The following PIK3R5 variants were observed in gnomAD, a reference collection of about 807,000 sequenced individuals.
PIK3R5 encodes phosphoinositide-3-kinase regulatory subunit 5.
PIK3R5 carries 32 observed loss-of-function variants against 94.9 expected under a neutral mutation model. The ratio of observed to expected loss-of-function variants is 0.34; its 90% CI spans 0.25 to 0.45. PIK3R5 has a LOEUF of 0.45. Ranked by LOEUF, PIK3R5 falls within the 20% of genes least tolerant of loss-of-function variation. The pLI is 1.00. For missense variants in PIK3R5, 853 were observed against 1,144.6 expected (o/e 0.75, Z 3.68); for synonymous variants, 443 against 479.4 (o/e 0.92, Z 0.99).
At chr17:8,894,629 C>T (rs1470912604) in intron 5 of PIK3R5, among the ~76,000 whole-genome samples, 2 of 152,208 alleles carry the variant, frequency 1.3e-5, no homozygotes, top group African/African-American at 4.8e-5. Context: ...CAGCTTGACT[C>T]TGTTGTGCAC....
intron 1 of PIK3R5, among the ~76,000 whole-genome samples, chr17:8,960,903 C>T (rs1269812523): frequency 2.0e-5 from 3 of 147,022 alleles, no homozygotes; most frequent in African/African-American, 5.0e-5. Context: ...TGTGCATGGA[C>T]GCCTTGCTTG....
At chr17:8,930,133 T>C (rs945685580) in intron 1 of PIK3R5, among the ~76,000 whole-genome samples, 115 of 152,234 alleles carry the variant, frequency 7.6e-4, no homozygotes, top group Non-Finnish European at 1.0e-3. Flanking sequence ...AACAGCAGAA[T>C]ACACATTTTT....
intron 10 of PIK3R5, 21 bp from the exon 11 acceptor site, chr17:8,887,704 AG>A: frequency 6.4e-7 from 1 of 1,574,000 alleles, no homozygotes; most frequent in South Asian, 1.2e-5. Context: ...GAAGATGGTG[AG>A]AAGGGGAATG....
At chr17:8,908,572 C>CACACA in intron 3 of PIK3R5, among the ~76,000 whole-genome samples, 1 of 149,032 alleles carries the variant, frequency 6.7e-6, no homozygotes, top group Non-Finnish European at 1.5e-5. Context: ...CACACACACA[C>CACACA]AACCATAAAA....
At chr17:8,949,780 G>A (rs1014809419) in intron 1 of PIK3R5, among the ~76,000 whole-genome samples, 5 of 152,120 alleles carry the variant, frequency 3.3e-5, no homozygotes, top group African/African-American at 4.8e-5. Context: ...GGTGGGAAGT[G>A]GGTGAGGGAT....
Position 8,890,216 on chromosome 17 carries a change from A to G in PIK3R5, c.658-90T>C. ...TTGCTAGCTTCTTACTGAGGGAGGC[A>G]GTGATCTGTCCCCTCCCAGCCTCAT... On this transcript the variant is annotated intron_variant, in intron 7 of 18. Transcript: ENST00000447110. This position sits in a 1 kb window ranked among gnomAD's most constrained non-coding sequence, Gnocchi z 6.1. 1.4e-6 allele frequency: 2 copies of G among 1,389,856 alleles called. No individual in the cohort carries two copies. The highest frequency in any genetic ancestry group is 1.8e-5 in the Admixed American group (1 of 54,416). 86.1% of individuals were successfully genotyped at this position (1,389,856 alleles called of 1,614,324 possible).
intron 11 of PIK3R5, 45 bp from the exon 12 acceptor site, chr17:8,887,266 C>T (rs147518572): frequency 2.5e-6 from 4 of 1,609,146 alleles, no homozygotes; most frequent in African/African-American, 1.3e-5. Context: ...CCCAGGAGGC[C>T]TGCCCATCCT....
At position 8,888,386 on chromosome 17, in the gene PIK3R5, T is replaced by C. The variant is rs766779294; in HGVS notation, c.1401A>G (p.Val467=). ...GSLCSPLDEP[V]SPPSRAQRSR... The stretch of plus-strand genomic sequence containing the variant: ...AGCGCTGGGCCCGGGAAGGGGGTGA[T>C]ACTGGTTCGTCCAGGGGGCTGCAGA... Residue 467 remains valine (V), a synonymous_variant, in exon 10 of 19, where the codon GTA becomes GTG. Coordinates refer to ENST00000447110, the MANE Select transcript of PIK3R5 (RefSeq NM_001142633.3). This position sits in a 1 kb window ranked among gnomAD's most constrained non-coding sequence, Gnocchi z 7.8. 1 of 1,601,742 alleles carries C rather than the reference T, an allele frequency of 6.2e-7. No homozygotes were observed. Among genetic ancestry groups the C allele is most frequent in the East Asian group, 2.2e-5 (1 of 44,506 alleles).
chr17:8,963,361 C>A (rs897305938), intron 1 of PIK3R5, among the ~76,000 whole-genome samples: 10 of 152,246 alleles, frequency 6.6e-5, no homozygotes, highest in Admixed American at 2.0e-4. Context: ...CCTGGCTCTC[C>A]TCCTCTCCCA....
rs554124028 is a variant in PIK3R5 at position 8,883,274 on chromosome 17, A to C, written c.2206-1393T>G. 2.6e-5 allele frequency among the ~76,000 whole-genome samples: 4 copies of C among 152,354 alleles called. No homozygotes were observed. The South Asian group carries it at 8.3e-4, about 32-fold the overall frequency. On this transcript the variant is annotated intron_variant, in intron 15 of 18. Transcript: ENST00000447110. The stretch of plus-strand genomic sequence containing the variant: ...ACCCAGCTACTCAGGAGGCTGAGGC[A>C]GGAGAATTGCTTGAACCAGGGAGGC...
At chr17:8,898,210 C>T (rs1264415627) in intron 5 of PIK3R5, among the ~76,000 whole-genome samples, 2 of 152,186 alleles carry the variant, frequency 1.3e-5, no homozygotes, top group East Asian at 1.9e-4. Flanking sequence ...TCAGTAATGT[C>T]CCCAGAGAAA....
intron 5 of PIK3R5, among the ~76,000 whole-genome samples, chr17:8,903,083 G>C (rs940647393): frequency 4.6e-5 from 7 of 152,058 alleles, no homozygotes; most frequent in Non-Finnish European, 1.0e-4. Context: ...GACCTCAGGT[G>C]ATCTGCCCGC....
intron 1 of PIK3R5, among the ~76,000 whole-genome samples, chr17:8,958,548 A>G (rs2091502558): frequency 6.6e-6 from 1 of 152,192 alleles, no homozygotes; most frequent in Non-Finnish European, 1.5e-5. Flanking sequence ...ATTGAAGAAA[A>G]CGTCCTTCAC....
intron 1 of PIK3R5, among the ~76,000 whole-genome samples, chr17:8,936,603 C>A (rs1048500815): frequency 6.6e-6 from 1 of 151,906 alleles, no homozygotes; most frequent in Admixed American, 6.5e-5. Context: ...TAGCTCTTTT[C>A]TTTTTCCCAC....
At chr17:8,960,470 C>T (rs917941414) in intron 1 of PIK3R5, among the ~76,000 whole-genome samples, 3 of 152,250 alleles carry the variant, frequency 2.0e-5, no homozygotes, top group Non-Finnish European at 4.4e-5. Context: ...AGGAACATTG[C>T]CTGTCTTGCT....
rs1458449997 is a variant in PIK3R5 at position 8,889,962 on chromosome 17, A to G, written c.811+11T>C. On this transcript the variant is annotated intron_variant, in intron 8 of 18. Transcript: ENST00000447110. This position sits in a 1 kb window ranked among gnomAD's most constrained non-coding sequence, Gnocchi z 4.1. Reference sequence around the variant, plus strand: ...GAATGTGGGAGAACCCCATTCTCCCAAGAGCCTCACCTAACACCCCAGGGA... The same window carrying G: ...GAATGTGGGAGAACCCCATTCTCCCGAGAGCCTCACCTAACACCCCAGGGA... The G allele has an allele frequency of 1.2e-6, 2 of 1,613,470 alleles. No homozygotes were observed. The highest frequency in any genetic ancestry group is 1.7e-6 in the Non-Finnish European group (2 of 1,179,854).
chr17:8,942,754 C>T (rs181750997), intron 1 of PIK3R5, among the ~76,000 whole-genome samples: 4,101 of 152,130 alleles, frequency 0.027, 73 homozygotes, highest in Middle Eastern at 0.078. Context: ...TACAGGCGTC[C>T]GCCACCACGC....
At position 8,961,924 on chromosome 17, in the gene PIK3R5, T is replaced by C. The variant is rs554712616; in HGVS notation, c.-14+3672A>G. Among the ~76,000 whole-genome samples, 6 of 152,360 alleles carry C rather than the reference T, an allele frequency of 3.9e-5. No individual in the cohort carries two copies. The East Asian group carries it at 1.2e-3, about 29-fold the overall frequency. On this transcript the variant is annotated intron_variant, in intron 1 of 18. Coordinates refer to ENST00000447110, the MANE Select transcript of PIK3R5 (RefSeq NM_001142633.3). Reference sequence around the variant, plus strand: ...TGTGACTCACTTATCTGGAAGTCACTTAACCGATAACCTCAACTATCCAGA... The same window carrying C: ...TGTGACTCACTTATCTGGAAGTCACCTAACCGATAACCTCAACTATCCAGA...
rs1227456849 is a variant in PIK3R5 at position 8,890,124 on chromosome 17, G to T, written c.660C>A (p.Ala220=). 1 of 1,613,824 alleles carries T rather than the reference G, an allele frequency of 6.2e-7. No individual in the cohort carries two copies. Among genetic ancestry groups the T allele is most frequent in the Admixed American group, 1.7e-5 (1 of 60,012 alleles). ...DVPGLHCRLQ[A]KTLAELEDIF... ...TGTCCTCAAGCTCTGCCAGGGTCTT[G>T]GCCTGAAACCCCAGGAGGAGATGGG... is the stretch of plus-strand genomic sequence containing the variant. The change falls in exon 8 of 19, where the codon GCC becomes GCA. Residue 220 remains alanine (A), a splice_region_variant and synonymous_variant. Transcript: ENST00000447110. This position sits in a 1 kb window ranked among gnomAD's most constrained non-coding sequence, Gnocchi z 6.1.
Sources: allele counts gnomAD v4.1 joint callset (sites outside exome capture counted in the v4.1 genomes callset), GRCh38; gene constraint gnomAD v4.1.1; non-coding constraint Gnocchi (gnomAD v3.1); transcripts MANE v1.5; gene names NCBI Gene and HGNC (gene_info 2026-07-23, HGNC 2026-07-21).